AAAS: variants seen among roughly 807,000 people sequenced by gnomAD.
AAAS encodes the protein aladin.
In AAAS, 60 loss-of-function variants were observed where a neutral mutation model predicts 75.6. The ratio of observed to expected loss-of-function variants is 0.79; its 90% confidence interval spans 0.64 to 0.98. The LOEUF (loss-of-function observed/expected upper bound fraction) is 0.98, where lower values mean the gene tolerates loss of function less well. Ranked by LOEUF, AAAS falls within the 50% of genes least tolerant of loss-of-function variation. The pLI is 0.00. For missense variants in AAAS, 658 were observed against 686.9 expected, an observed-to-expected ratio of 0.96 and a Z score of 0.47; for synonymous variants, 271 against 265.0, an observed-to-expected ratio of 1.02 and a Z score of -0.22.
chr12:53,312,388 A>G (rs140491342), intron 7 of AAAS, among the ~76,000 whole-genome samples: 30 of 152,246 alleles, frequency 2.0e-4, no homozygotes, highest in Admixed American at 1.8e-3. Context: ...AGCCTGGCCA[A>G]TATGGTGAAA....
At chr12:53,314,694 C>T (rs1944437690) in intron 6 of AAAS, 57 bp downstream of exon 6, 2 of 1,555,562 alleles carry the variant, frequency 1.3e-6, no homozygotes, top group Non-Finnish European at 1.8e-6. Context: ...GGAACCAAGG[C>T]TGGCAAGGGA....
In AAAS at chr12:53,321,440, G is replaced by A. The variant is rs769584064; in HGVS notation, c.26C>T (p.Pro9Leu). The A allele has an allele frequency of 1.9e-6, 3 of 1,614,240 alleles. No individual in the cohort carries two copies. The highest frequency in any genetic ancestry group is 2.2e-5 in the East Asian group (1 of 44,882). The change falls in exon 1 of 16, where the codon CCT becomes CTT. Residue 9 changes from proline (P) to leucine (L), a missense_variant. Coordinates refer to ENST00000209873, the MANE Select transcript of AAAS (RefSeq NM_015665.6). MCSLGLFP[P>L]PPPRGQVTLY... ...GGTGACTTGACCCCGAGGCGGTGGA[G>A]GAGGGAACAACCCCAGAGAGCACAT...
Position 53,309,633 on chromosome 12 carries a change from G to GCAGC in AAAS, c.774_777dup (p.Leu260AlafsTer64). 1 of 1,613,620 alleles carries GCAGC rather than the reference G, an allele frequency of 6.2e-7. No homozygotes were observed. The highest frequency in any genetic ancestry group is 1.3e-5 in the African/African-American group (1 of 75,058). ...GCAGCATCCACGGGTGAAGCTGAGA[G>GCAGC]CAGCCGCCCCCCACTGGGGGCCCAG... On this transcript the variant is annotated frameshift_variant, in exon 8 of 16. Coordinates refer to ENST00000209873, the MANE Select transcript of AAAS (RefSeq NM_015665.6). LOFTEE classifies it high-confidence loss of function.
intron 6 of AAAS, 117 bp from the exon 7 acceptor site, chr12:53,314,558 G>T: frequency 6.8e-7 from 1 of 1,472,126 alleles, no homozygotes; most frequent in Non-Finnish European, 9.4e-7. Flanking sequence ...AGGGGCCAGG[G>T]GCACCATAGG....
intron 1 of AAAS, 190 bp from the exon 2 acceptor site, chr12:53,320,882 T>C (rs932442451): frequency 3.0e-6 from 2 of 662,802 alleles, no homozygotes; most frequent in South Asian, 1.9e-5. Flanking sequence ...ACTAGAATAA[T>C]ATTTCATAGG....
chr12:53,319,661 G>A (rs1290137365), intron 2 of AAAS, among the ~76,000 whole-genome samples: 1 of 151,830 alleles, frequency 6.6e-6, no homozygotes, highest in Non-Finnish European at 1.5e-5. Flanking sequence ...AAAGTTAGCT[G>A]GGCGTGGTGG....
rs1220612932 is a variant in AAAS at position 53,308,494 on chromosome 12, T to C, written c.1122A>G (p.Ser374=). 6.2e-7 allele frequency: 1 copy of C among 1,614,104 alleles called. No homozygotes were observed. The highest frequency in any genetic ancestry group is 2.2e-5 in the East Asian group (1 of 44,898). The part of the protein sequence containing the change: ...EGKGCVGGAK[S]ATIVADLSET... ...CAGACAGATCTGCCACAATCGTTGC[T>C]GACTTTGCACCTCCAACGCACCCCT... is the stretch of plus-strand genomic sequence containing the variant. The change falls in exon 12 of 16, where the codon TCA becomes TCG. Residue 374 remains serine, a synonymous_variant. Transcript: ENST00000209873.
intron 4 of AAAS, 44 bp downstream of exon 4, chr12:53,315,291 G>A (rs753772995): frequency 6.2e-7 from 1 of 1,607,236 alleles, no homozygotes; most frequent in African/African-American, 1.3e-5. Context: ...GAGTAGGATG[G>A]GGACACAGCA....
chr12:53,308,216 G>A, intron 13 of AAAS, 66 bp downstream of exon 13: 2 of 1,611,972 alleles, frequency 1.2e-6, no homozygotes, highest in Non-Finnish European at 1.7e-6. Context: ...TCCAGGCCAG[G>A]GCACGGCCTC....
intron 7 of AAAS, 176 bp from the exon 8 acceptor site, chr12:53,309,897 G>C (rs1163041719): frequency 3.1e-6 from 3 of 959,534 alleles, no homozygotes; most frequent in East Asian, 2.8e-5. Context: ...CAGCGAAGGG[G>C]AAAAACGACC....
At position 53,314,331 on chromosome 12, in the gene AAAS, A is replaced by G; in HGVS notation, c.656T>C (p.Ile219Thr). 6.2e-7 allele frequency: 1 copy of G among 1,614,172 alleles called. No homozygotes were observed. Among genetic ancestry groups the G allele is most frequent in the Non-Finnish European group, 8.5e-7 (1 of 1,180,014 alleles). Residue 219 changes from isoleucine (I) to threonine (T), a missense_variant, in exon 7 of 16, where the codon ATC (isoleucine) becomes ACC (threonine). Transcript: ENST00000209873. ...LAVACQSCILIWTLDPTSLST... is the reference protein window; with the variant it reads ...LAVACQSCILTWTLDPTSLST... ...CAAGGAGGTAGGGTCCAGGGTCCAG[A>G]TAAGAATGCAGCTCTGGCAGGCCAC...
chr12:53,310,351 A>C (rs1453280079), intron 7 of AAAS, among the ~76,000 whole-genome samples: 1 of 152,170 alleles, frequency 6.6e-6, no homozygotes, highest in African/African-American at 2.4e-5. Flanking sequence ...CGAGGTCAAG[A>C]GATCGAGACC....
intron 2 of AAAS, among the ~76,000 whole-genome samples, chr12:53,319,494 G>A (rs190797572): frequency 6.6e-6 from 1 of 152,236 alleles, no homozygotes; most frequent in African/African-American, 2.4e-5. Flanking sequence ...CACTGTGCCT[G>A]GCATAAATAA....
chr12:53,308,060 G>A lies in AAAS; in HGVS notation c.1323C>T (p.Leu441=). ...GCCCACATGGCACTTACCAGGGAAGGAGCTCAAACACAGGGCTGTTTCGAG... is the reference window on the plus strand; with the variant it reads ...GCCCACATGGCACTTACCAGGGAAGAAGCTCAAACACAGGGCTGTTTCGAG... The part of the protein sequence containing the change: ...FRTRNSPVFE[L]LPCGIIQGEP... The change falls in exon 14 of 16, where the codon CTC becomes CTT. Residue 441 remains leucine (L), a synonymous_variant. Transcript: ENST00000209873. 6.2e-7 allele frequency: 1 copy of A among 1,614,232 alleles called. No homozygotes were observed. Among genetic ancestry groups the A allele is most frequent in the Non-Finnish European group, 8.5e-7 (1 of 1,180,046 alleles).
chr12:53,308,577 A>G (rs756905165), intron 11 of AAAS, 49 bp from the exon 12 acceptor site: 42 of 1,611,166 alleles, frequency 2.6e-5, no homozygotes, highest in Non-Finnish European at 3.3e-5. Context: ...CAGGCCTCTC[A>G]CTGGTCCCCT....
intron 1 of AAAS, 187 bp downstream of exon 1, chr12:53,321,156 G>C: frequency 4.6e-6 from 4 of 862,042 alleles, no homozygotes; most frequent in South Asian, 1.8e-5. Flanking sequence ...CTCCTTAACC[G>C]TTCCCCCGTT....
chr12:53,313,631 CAG>C (rs1465852496), intron 7 of AAAS, among the ~76,000 whole-genome samples: 1 of 147,598 alleles, frequency 6.8e-6, no homozygotes, highest in East Asian at 2.0e-4. Context: ...TTTTTTGAGA[CAG>C]AGTCTCGCTC....
chr12:53,317,975 TTAAC>T (rs2136816994), intron 2 of AAAS, among the ~76,000 whole-genome samples: 1 of 152,300 alleles, frequency 6.6e-6, no homozygotes, highest in Admixed American at 6.5e-5. Context: ...GTGCCTCACA[TTAAC>T]TAATCAAGCC....
At chr12:53,318,913 G>A (rs1356134724) in intron 2 of AAAS, among the ~76,000 whole-genome samples, 1 of 152,178 alleles carries the variant, frequency 6.6e-6, no homozygotes, top group African/African-American at 2.4e-5. Context: ...GAGACAAGGA[G>A]CCTGGGAATG....
Sources: allele counts gnomAD v4.1 joint callset (sites outside exome capture counted in the v4.1 genomes callset), GRCh38; gene constraint gnomAD v4.1.1; transcripts MANE v1.5; gene names NCBI Gene and HGNC (gene_info 2026-07-23, HGNC 2026-07-21).